The following ETV6 variants were observed in gnomAD, a reference collection of about 807,000 sequenced individuals.
The protein encoded by ETV6 is transcription factor ETV6.
Under a neutral mutation model 51.1 loss-of-function variants are expected in ETV6, and 16 were observed. The ratio of observed to expected loss-of-function variants is 0.31; its 90% confidence interval spans 0.21 to 0.48. ETV6 has a LOEUF of 0.48. ETV6 is among the 20% of genes least tolerant of loss of function. The pLI is 0.99. For missense variants in ETV6, 458 were observed against 594.8 expected (o/e 0.77, Z 2.39); for synonymous variants, 240 against 224.1 (o/e 1.07, Z -0.64).
chr12:11,809,789 A>C (rs7311667), intron 2 of ETV6, among the ~76,000 whole-genome samples: 13,916 of 147,670 alleles, frequency 0.094, 693 homozygotes, highest in Middle Eastern at 0.12. Context: ...TGCTTGGAAA[A>C]TGGGGAGGGA....
Position 11,853,446 on chromosome 12 carries a change from C to T in ETV6, c.348C>T (p.Leu116=), listed in dbSNP as rs1485972272. Residue 116 remains leucine, a synonymous_variant, in exon 4 of 8, where the codon CTC becomes CTT. Coordinates refer to ENST00000396373, the MANE Select transcript of ETV6 (RefSeq NM_001987.5). ...SPHSGDVLYE[L]LQHILKQRKP... ...TTCCAGGTGATGTGCTCTATGAACT[C>T]CTTCAGCATATTCTGAAGCAGAGGA... 1 of 1,614,154 alleles carries T rather than the reference C, an allele frequency of 6.2e-7. No homozygotes were observed. Among genetic ancestry groups the T allele is most frequent in the Admixed American group, 1.7e-5 (1 of 60,018 alleles).
At chr12:11,664,764 C>T (rs1864165352) in intron 1 of ETV6, among the ~76,000 whole-genome samples, 2 of 152,214 alleles carry the variant, frequency 1.3e-5, no homozygotes, top group South Asian at 2.1e-4. Flanking sequence ...CTTTCTCCTC[C>T]ATACCGGCTG....
chr12:11,669,490 TG>T (rs1864270986), intron 1 of ETV6, among the ~76,000 whole-genome samples: 1 of 151,852 alleles, frequency 6.6e-6, no homozygotes, highest in Admixed American at 6.6e-5. Flanking sequence ...AGGCCTCGGC[TG>T]TGCTGCCTCT....
chr12:11,797,623 T>C (rs1310491548), intron 2 of ETV6, among the ~76,000 whole-genome samples: 1 of 152,142 alleles, frequency 6.6e-6, no homozygotes, highest in Non-Finnish European at 1.5e-5. Context: ...TCAATACTGG[T>C]TCCCTGAACC....
In ETV6 at chr12:11,869,019, G is replaced by A. The variant is rs187500571; in HGVS notation, c.464-405G>A. 2.0e-5 allele frequency among the ~76,000 whole-genome samples: 3 copies of A among 152,190 alleles called. No individual in the cohort carries two copies. Among genetic ancestry groups the A allele is most frequent in the East Asian group, 1.9e-4 (1 of 5,166 alleles). ...TGGGAGGCTGAGGCAGGCAGAGCAC[G>A]AGGTCAGGAGACCCAGACCATCCTG... On this transcript the variant is annotated intron_variant, in intron 4 of 7. Transcript: ENST00000396373. The surrounding 1 kb of genome is among the most constrained non-coding windows in gnomAD (Gnocchi z 5.0).
At chr12:11,861,262 C>T (rs1251456575) in intron 4 of ETV6, among the ~76,000 whole-genome samples, 1 of 152,124 alleles carries the variant, frequency 6.6e-6, no homozygotes, top group East Asian at 1.9e-4. Context: ...GCAGGGCCCA[C>T]GAGCACCACT....
At position 11,825,465 on chromosome 12, in the gene ETV6, C is replaced by T. The variant is rs533291342; in HGVS notation, c.164-13675C>T. Among the ~76,000 whole-genome samples, 3 of 152,364 alleles carry T rather than the reference C, an allele frequency of 2.0e-5. No individual in the cohort carries two copies. In the South Asian group the frequency reaches 6.2e-4, roughly 32 times the overall value. ...AAAAAACCACAAAGCAAGCTTTCGC[C>T]TGCATCGCTCCTGTCTCTGCCCCTG... On this transcript the variant is annotated intron_variant, in intron 2 of 7. Coordinates refer to ENST00000396373, the MANE Select transcript of ETV6 (RefSeq NM_001987.5).
At chr12:11,828,245 A>G (rs1286975462) in intron 2 of ETV6, among the ~76,000 whole-genome samples, 4 of 152,190 alleles carry the variant, frequency 2.6e-5, no homozygotes, top group African/African-American at 9.7e-5. Flanking sequence ...TTGTACGTAA[A>G]TTAAGGTTAT....
chr12:11,741,278 G>A (rs1391336525), intron 1 of ETV6, among the ~76,000 whole-genome samples: 1 of 152,168 alleles, frequency 6.6e-6, no homozygotes, highest in Non-Finnish European at 1.5e-5. Context: ...CCATCATGTG[G>A]GATCATTCCC....
intron 2 of ETV6, among the ~76,000 whole-genome samples, chr12:11,766,256 T>C (rs1026930146): frequency 1.3e-5 from 2 of 152,186 alleles, no homozygotes; most frequent in Non-Finnish European, 2.9e-5. Flanking sequence ...GAAATTTCCT[T>C]TTTGGGGAAG....
intron 7 of ETV6, among the ~76,000 whole-genome samples, chr12:11,889,814 A>T (rs921299553): frequency 6.6e-6 from 1 of 152,186 alleles, no homozygotes; most frequent in Non-Finnish European, 1.5e-5. Context: ...AGGCTTTTGC[A>T]TGTGGAGGAA....
At chr12:11,724,537 G>A (rs774174001) in intron 1 of ETV6, among the ~76,000 whole-genome samples, 26 of 152,302 alleles carry the variant, frequency 1.7e-4, no homozygotes, top group Non-Finnish European at 3.2e-4. Flanking sequence ...CGGTTACTCT[G>A]CTAGATACTA....
At chr12:11,750,812 T>TTTG in intron 1 of ETV6, 1 of 432,914 alleles carries the variant, frequency 2.3e-6, no homozygotes, top group Non-Finnish European at 4.4e-6. Context: ...TTTTTTTTTT[T>TTTG]TTTTTGCTTT....
At chr12:11,723,007 G>A (rs1177064862) in intron 1 of ETV6, among the ~76,000 whole-genome samples, 2 of 152,188 alleles carry the variant, frequency 1.3e-5, no homozygotes, top group African/African-American at 4.8e-5. Flanking sequence ...AATAACCACA[G>A]GTGAAACCAA....
intron 2 of ETV6, among the ~76,000 whole-genome samples, chr12:11,787,899 G>A (rs1335680741): frequency 6.6e-6 from 1 of 152,138 alleles, no homozygotes; most frequent in Non-Finnish European, 1.5e-5. Flanking sequence ...GGAAAGAGGA[G>A]AAACCTCCCT....
intron 2 of ETV6, among the ~76,000 whole-genome samples, chr12:11,789,091 T>G (rs977493880): frequency 6.6e-6 from 1 of 152,090 alleles, no homozygotes; most frequent in Non-Finnish European, 1.5e-5. Context: ...GGAGTGCAGT[T>G]GTGTGATCTC....
chr12:11,839,020 G>C, intron 2 of ETV6, 120 bp from the exon 3 acceptor site: 1 of 1,064,580 alleles, frequency 9.4e-7, no homozygotes, highest in East Asian at 2.6e-5. Flanking sequence ...TTGAACATAA[G>C]GGCTCTTGAG....
chr12:11,767,072 TG>T (rs1426418166), intron 2 of ETV6, among the ~76,000 whole-genome samples: 1 of 152,200 alleles, frequency 6.6e-6, no homozygotes, highest in Admixed American at 6.5e-5. Flanking sequence ...CGGTATCATT[TG>T]GGGCGTGAGA....
chr12:11,879,630 C>T (rs1255034532), intron 5 of ETV6, among the ~76,000 whole-genome samples: 1 of 152,182 alleles, frequency 6.6e-6, no homozygotes, highest in Non-Finnish European at 1.5e-5. Flanking sequence ...CTTTCATAAA[C>T]TACTTCTCAT....
Sources: gnomAD v4.1 joint callset for allele counts (sites outside exome capture counted in the v4.1 genomes callset) on GRCh38, gnomAD v4.1.1 for gene constraint, Gnocchi (gnomAD v3.1) non-coding constraint, MANE v1.5 for transcripts, NCBI Gene and HGNC (gene_info 2026-07-23, HGNC 2026-07-21) for gene names.